Variants in DOCK9 observed in about 807,000 individuals in gnomAD.
DOCK9 encodes the protein dedicator of cytokinesis 9.
DOCK9 carries 89 observed loss-of-function variants against 263.3 expected under a neutral mutation model. That is an observed-to-expected ratio of 0.34 (90% CI 0.28 to 0.40). DOCK9 has a LOEUF of 0.40. Among genes scored for constraint, DOCK9 ranks in the 10% least tolerant of loss-of-function variants. The pLI is 1.00. For missense variants in DOCK9, 2,140 were observed against 2,603.4 expected, an observed-to-expected ratio of 0.82 and a Z score of 3.87; for synonymous variants, 976 against 973.1, an observed-to-expected ratio of 1.00 and a Z score of -0.06.
intron 1 of DOCK9, among the ~76,000 whole-genome samples, chr13:99,081,797 G>A (rs1284997608): frequency 1.3e-5 from 2 of 152,208 alleles, no homozygotes; most frequent in South Asian, 4.1e-4. Flanking sequence ...GTTCGCGTAC[G>A]TTTTGAACAT....
At position 98,930,201 on chromosome 13, in the gene DOCK9, C is replaced by T. The variant is rs578198300; in HGVS notation, c.300G>A (p.Ala100=). 1.6e-4 allele frequency: 262 copies of T among 1,611,838 alleles called. 1 individual carries two copies. In the South Asian group the frequency reaches 2.7e-3, roughly 17 times the overall value. Residue 100 remains alanine, a synonymous_variant, in exon 3 of 53, where the codon GCG becomes GCA. Transcript: ENST00000682017. ...CAAACAAGCTCTGTGCTTCCTCTTC[C>T]GCCTTCGCAGGCACTGTTGAGCATA... ...RYICSTVPAK[A]EEEAQSLFVT... is the part of the protein sequence containing the mutation.
intron 1 of DOCK9, among the ~76,000 whole-genome samples, chr13:99,027,382 T>C (rs1886872241): frequency 6.6e-6 from 1 of 152,170 alleles, no homozygotes; most frequent in Admixed American, 6.5e-5. Context: ...ATAATGGCCA[T>C]CTTTGGACCT....
intron 1 of DOCK9, among the ~76,000 whole-genome samples, chr13:99,040,241 G>A (rs1178216924): frequency 6.6e-6 from 1 of 152,112 alleles, no homozygotes; most frequent in African/African-American, 2.4e-5. Context: ...CAGATCTGCA[G>A]GTACTTTGAT....
chr13:98,956,421 C>T (rs17711482), intron 1 of DOCK9, among the ~76,000 whole-genome samples: 7,311 of 152,206 alleles, frequency 0.048, 214 homozygotes, highest in Middle Eastern at 0.1. Flanking sequence ...ATGCCAAATG[C>T]TAAAATAGGC....
chr13:99,064,272 A>G (rs1470420655), intron 1 of DOCK9, among the ~76,000 whole-genome samples: 2 of 152,186 alleles, frequency 1.3e-5, no homozygotes, highest in Non-Finnish European at 2.9e-5. Context: ...AAACAGAGAG[A>G]AGGGTGCAAA....
chr13:98,855,289 A>T (rs2093678794), intron 34 of DOCK9, among the ~76,000 whole-genome samples: 1 of 152,130 alleles, frequency 6.6e-6, no homozygotes, highest in East Asian at 1.9e-4. Context: ...ACTACAGGGA[A>T]TTGGCCAGGT....
At chr13:98,979,179 A>AGC (rs1567163068), upstream of DOCK9, among the ~76,000 whole-genome samples, 7 of 133,846 alleles carry the variant, frequency 5.2e-5, no homozygotes, top group African/African-American at 2.1e-4. Context: ...TAGCAGCAGC[A>AGC]ATAGTAGTAG....
In DOCK9 at chr13:98,885,137, G is replaced by A. The variant is rs998010466; in HGVS notation, c.2261-45C>T. 5.6e-6 allele frequency: 9 copies of A among 1,596,694 alleles called. No homozygotes were observed. In the East Asian group the frequency reaches 6.7e-5, roughly 12 times the overall value. ...ACAACAACAACAGAACACTGTGAGT[G>A]TATGAAAACTTATGAAAGCAAGCCA... On this transcript the variant is annotated intron_variant, in intron 20 of 52. Transcript: ENST00000682017.
At position 98,799,773 on chromosome 13, in the gene DOCK9, T is replaced by C. The variant is rs7998520; in HGVS notation, c.5916+515A>G. Among the ~76,000 whole-genome samples, 756 of 152,282 alleles carry C rather than the reference T, an allele frequency of 5.0e-3. 9 individuals carry two copies. Among genetic ancestry groups the C allele is most frequent in the African/African-American group, 0.017 (700 of 41,546 alleles). On this transcript the variant is annotated intron_variant, in intron 50 of 52. Transcript: ENST00000682017. ...AACCTAGGAGAACATCTGTGAAATTTTGGAGTAGACACAGATTTCTTAAAG... is the reference window on the plus strand; with the variant it reads ...AACCTAGGAGAACATCTGTGAAATTCTGGAGTAGACACAGATTTCTTAAAG...
intron 1 of DOCK9, among the ~76,000 whole-genome samples, chr13:98,962,990 G>C (rs970530638): frequency 8.5e-5 from 13 of 152,194 alleles, no homozygotes; most frequent in Admixed American, 8.5e-4. Context: ...GACACCCCAT[G>C]GGACACTGCT....
At chr13:98,955,998 G>T (rs1199048343) in intron 1 of DOCK9, among the ~76,000 whole-genome samples, 2 of 152,150 alleles carry the variant, frequency 1.3e-5, no homozygotes, top group East Asian at 3.9e-4. Context: ...TCAGACAAGG[G>T]GCTCCAAGAC....
rs539539915 is a variant in DOCK9, at chr13:98,902,318, A to T, written c.1350T>A (p.Leu450=). The change falls in exon 12 of 53, where the codon CTT becomes CTA. Residue 450 remains leucine (L), a synonymous_variant. Coordinates refer to ENST00000682017, the MANE Select transcript of DOCK9 (RefSeq NM_001366683.2). Reference sequence around the variant, plus strand: ...TCGGATACTGCATGGCGGCTTCATGAAGGATGCCCTTGAGGACAGATGGGC... The same window carrying T: ...TCGGATACTGCATGGCGGCTTCATGTAGGATGCCCTTGAGGACAGATGGGC... ...GQSPSVLKGI[L]HEAAMQYPKQ... The T allele has an allele frequency of 1.8e-5, 29 of 1,613,948 alleles. No homozygotes were observed. In the East Asian group the frequency reaches 6.2e-4, roughly 35 times the overall value.
chr13:98,942,688 T>C (rs1232458719), intron 2 of DOCK9, among the ~76,000 whole-genome samples: 1 of 152,244 alleles, frequency 6.6e-6, no homozygotes, highest in African/African-American at 2.4e-5. Flanking sequence ...AAATGCATCA[T>C]TGGGTGACTT....
intron 9 of DOCK9, among the ~76,000 whole-genome samples, chr13:98,911,921 G>A (rs747488739): frequency 7.7e-4 from 115 of 149,014 alleles, no homozygotes; most frequent in Non-Finnish European, 1.5e-3. Flanking sequence ...CCAGGCTAGA[G>A]TGCAGTGGCA....
intron 33 of DOCK9, chr13:98,859,402 G>A (rs2093790588): frequency 6.6e-6 from 1 of 152,086 alleles, no homozygotes; most frequent in South Asian, 2.1e-4. Context: ...TTAAGGACTG[G>A]TATTATTATT....
intron 1 of DOCK9, among the ~76,000 whole-genome samples, chr13:98,960,864 G>T (rs1276839421): frequency 1.3e-5 from 2 of 152,204 alleles, no homozygotes; most frequent in Non-Finnish European, 2.9e-5. Flanking sequence ...TTTCAGGGAG[G>T]AAGAAGAAAC....
intron 1 of DOCK9, among the ~76,000 whole-genome samples, chr13:99,025,528 G>A (rs2142030123): frequency 6.6e-6 from 1 of 152,282 alleles, no homozygotes; most frequent in Non-Finnish European, 1.5e-5. Context: ...ATACCAATTC[G>A]ATCGGCTTTG....
At chr13:98,888,946 T>C (rs1247982949) in intron 15 of DOCK9, among the ~76,000 whole-genome samples, 1 of 152,206 alleles carries the variant, frequency 6.6e-6, no homozygotes, top group Non-Finnish European at 1.5e-5. Context: ...GTATAAAAAA[T>C]GTGTACTCTA....
intron 49 of DOCK9, among the ~76,000 whole-genome samples, chr13:98,802,859 C>G (rs539231226): frequency 6.6e-6 from 1 of 152,214 alleles, no homozygotes; most frequent in Non-Finnish European, 1.5e-5. Flanking sequence ...ACCCTCAGGT[C>G]TAGCCTTCAG....
Sources: allele counts gnomAD v4.1 joint callset (sites outside exome capture counted in the v4.1 genomes callset), GRCh38; gene constraint gnomAD v4.1.1; transcripts MANE v1.5; gene names NCBI Gene and HGNC (gene_info 2026-07-23, HGNC 2026-07-21).